DCLK1: variants seen among roughly 807,000 people sequenced by gnomAD.
DCLK1 encodes doublecortin like kinase 1, also known as serine/threonine-protein kinase DCLK1.
A neutral mutation model predicts 86.2 loss-of-function variants in DCLK1; 16 were observed. That is an observed-to-expected ratio of 0.19 (90% CI 0.13 to 0.28). The LOEUF (loss-of-function observed/expected upper bound fraction) is 0.28. Among genes scored for constraint, DCLK1 ranks in the 10% least tolerant of loss-of-function variants. DCLK1 has a pLI of 1.00. For synonymous variants in DCLK1, 369 were observed against 370.5 expected (o/e 1.00, Z 0.05); for missense variants, 590 against 940.2 (o/e 0.63, Z 4.87).
At chr13:35,791,519 A>G (rs954177037) in intron 16 of DCLK1, among the ~76,000 whole-genome samples, 1 of 152,208 alleles carries the variant, frequency 6.6e-6, no homozygotes, top group African/African-American at 2.4e-5. Context: ...GAGTGTTTTA[A>G]GATCCAGCTA....
At chr13:36,102,140 C>A (rs1283748677) in intron 3 of DCLK1, among the ~76,000 whole-genome samples, 3 of 151,906 alleles carry the variant, frequency 2.0e-5, no homozygotes, top group Non-Finnish European at 4.4e-5. Context: ...TTTCTAGCTC[C>A]CAGACTGTCA....
At position 35,836,092 on chromosome 13, in the gene DCLK1, A is replaced by G; in HGVS notation, c.1170T>C (p.Tyr390=). ...CATCTCCTATTGTTCTTCCGACTTT[A>G]TATCGTTCTGTTATTGTAGCTGGAA... The part of the protein sequence containing the change: ...FQIPATITER[Y]KVGRTIGDGN... The change falls in exon 8 of 17, where the codon TAT becomes TAC. Residue 390 remains tyrosine, a synonymous_variant. Coordinates refer to ENST00000360631, the MANE Select transcript of DCLK1 (RefSeq NM_001330071.2). 1.9e-6 allele frequency: 3 copies of G among 1,613,584 alleles called. No individual in the cohort carries two copies. The highest frequency in any genetic ancestry group is 2.2e-5 in the South Asian group (2 of 90,912).
At chr13:35,854,632 C>A (rs745602297) in intron 5 of DCLK1, 39 bp from the exon 6 acceptor site, 2 of 1,482,468 alleles carry the variant, frequency 1.3e-6, no homozygotes, top group Non-Finnish European at 1.8e-6. Flanking sequence ...AAAAATGGCA[C>A]GTTAAATAAT....
At chr13:35,859,699 C>A (rs550070913) in intron 5 of DCLK1, among the ~76,000 whole-genome samples, 2 of 152,232 alleles carry the variant, frequency 1.3e-5, no homozygotes, top group East Asian at 3.9e-4. Context: ...GAGTCCAGGG[C>A]CCTAGATATC....
intron 3 of DCLK1, among the ~76,000 whole-genome samples, chr13:36,068,062 T>C (rs780006489): frequency 3.3e-5 from 5 of 152,198 alleles, no homozygotes; most frequent in Non-Finnish European, 7.3e-5. Context: ...AACATAACCA[T>C]GGACTATGAC....
At chr13:35,785,635 G>A (rs1429432252) in intron 16 of DCLK1, among the ~76,000 whole-genome samples, 1 of 152,164 alleles carries the variant, frequency 6.6e-6, no homozygotes, top group Non-Finnish European at 1.5e-5. Flanking sequence ...GGCACCCTGA[G>A]GAGATGGTTT....
At chr13:36,012,002 G>C (rs1225637677) in intron 3 of DCLK1, among the ~76,000 whole-genome samples, 2 of 147,734 alleles carry the variant, frequency 1.4e-5, no homozygotes, top group Non-Finnish European at 3.0e-5. Context: ...TGTCTCTTTT[G>C]ATCTTTGTTG....
chr13:35,871,938 C>G (rs1293342746), intron 4 of DCLK1, among the ~76,000 whole-genome samples: 1 of 152,210 alleles, frequency 6.6e-6, no homozygotes, highest in Non-Finnish European at 1.5e-5. Flanking sequence ...CATGAAGCTG[C>G]CACAGATTTT....
chr13:36,037,780 G>A (rs559336130), intron 3 of DCLK1, among the ~76,000 whole-genome samples: 164 of 151,916 alleles, frequency 1.1e-3, no homozygotes, highest in African/African-American at 3.6e-3. Flanking sequence ...CACCATGCCC[G>A]GCCACCCTGA....
intron 3 of DCLK1, among the ~76,000 whole-genome samples, chr13:35,988,430 G>A (rs188549403): frequency 1.3e-5 from 2 of 152,368 alleles, no homozygotes; most frequent in Admixed American, 6.5e-5. Context: ...ACCTGGATGA[G>A]GTCTGAGCAC....
At chr13:35,957,554 A>G (rs1878058394) in intron 3 of DCLK1, among the ~76,000 whole-genome samples, 1 of 152,188 alleles carries the variant, frequency 6.6e-6, no homozygotes, top group Non-Finnish European at 1.5e-5. Context: ...CAAGAAAATT[A>G]TAAGTATCAA....
intron 4 of DCLK1, among the ~76,000 whole-genome samples, chr13:35,883,694 G>A (rs538656237): frequency 1.3e-5 from 2 of 152,268 alleles, no homozygotes; most frequent in South Asian, 4.1e-4. Flanking sequence ...GGTTATTCTG[G>A]GTGAGAAAGG....
intron 4 of DCLK1, among the ~76,000 whole-genome samples, chr13:35,945,088 C>T (rs1008226766): frequency 8.6e-5 from 13 of 152,024 alleles, no homozygotes; most frequent in Middle Eastern, 6.8e-3. Context: ...TTAGTAGAGA[C>T]GGGGTTTCTC....
At chr13:36,026,593 T>C (rs1391096704) in intron 3 of DCLK1, among the ~76,000 whole-genome samples, 2 of 152,258 alleles carry the variant, frequency 1.3e-5, no homozygotes, top group African/African-American at 4.8e-5. Flanking sequence ...GTGAATTTAT[T>C]AAATGGAATC....
intron 3 of DCLK1, among the ~76,000 whole-genome samples, chr13:36,000,810 G>A (rs953702026): frequency 9.9e-5 from 15 of 152,112 alleles, no homozygotes; most frequent in African/African-American, 3.6e-4. Flanking sequence ...GATATTGCCA[G>A]TACTCAGCAC....
At chr13:36,049,298 G>T (rs896476337) in intron 3 of DCLK1, among the ~76,000 whole-genome samples, 10 of 152,088 alleles carry the variant, frequency 6.6e-5, no homozygotes, top group Admixed American at 6.6e-4. Context: ...TCTGATTTTT[G>T]CTAAGAATGT....
At chr13:36,019,483 A>C (rs1159397763) in intron 3 of DCLK1, among the ~76,000 whole-genome samples, 2 of 152,218 alleles carry the variant, frequency 1.3e-5, no homozygotes, top group African/African-American at 4.8e-5. Flanking sequence ...TACACAGCAC[A>C]GTATATATAC....
chr13:35,998,611 C>T (rs1024303243), intron 3 of DCLK1, among the ~76,000 whole-genome samples: 15 of 152,168 alleles, frequency 9.9e-5, no homozygotes, highest in African/African-American at 3.6e-4. Context: ...TCCCTCTCTC[C>T]TTATCCGTTA....
At chr13:35,987,899 C>T (rs1880019461) in intron 3 of DCLK1, among the ~76,000 whole-genome samples, 1 of 152,270 alleles carries the variant, frequency 6.6e-6, no homozygotes, top group Non-Finnish European at 1.5e-5. Flanking sequence ...TTTTATGGCA[C>T]AATCTCCTCC....
Sources: allele counts gnomAD v4.1 joint callset (sites outside exome capture counted in the v4.1 genomes callset), GRCh38; gene constraint gnomAD v4.1.1; transcripts MANE v1.5; gene names NCBI Gene and HGNC (gene_info 2026-07-23, HGNC 2026-07-21).